Variants in ZBTB7C observed in about 807,000 individuals in gnomAD.
ZBTB7C encodes the protein zinc finger and BTB domain containing 7C, also known as zinc finger and BTB domain-containing protein 7C.
ZBTB7C carries 8 observed loss-of-function variants against 25.7 expected under a neutral mutation model. The observed-to-expected ratio is 0.31, with a 90% CI of 0.18 to 0.56. The LOEUF is 0.56. Ranked by LOEUF, ZBTB7C falls within the 20% of genes least tolerant of loss-of-function variation. The pLI is 0.91. For synonymous variants in ZBTB7C, 394 were observed against 369.0 expected, an observed-to-expected ratio of 1.07 and a Z score of -0.78; for missense variants, 824 against 855.2, an observed-to-expected ratio of 0.96 and a Z score of 0.46.
At chr18:48,285,888 A>T (rs2045033117) in intron 2 of ZBTB7C, among the ~76,000 whole-genome samples, 1 of 151,824 alleles carries the variant, frequency 6.6e-6, no homozygotes, top group Non-Finnish European at 1.5e-5. Context: ...CTTCCTTGTG[A>T]ATTCTCTGGG....
At chr18:48,347,124 GTTTTTTTTTT>G (rs1158209713) in intron 1 of ZBTB7C, among the ~76,000 whole-genome samples, 1 of 80,508 alleles carries the variant, frequency 1.2e-5, no homozygotes, top group Non-Finnish European at 2.3e-5. Context: ...GTTTTTGTTT[GTTTTTTTTTT>G]TTTTTTTTTT....
At chr18:48,393,660 C>G (rs1304335062) in intron 1 of ZBTB7C, among the ~76,000 whole-genome samples, 2 of 152,070 alleles carry the variant, frequency 1.3e-5, no homozygotes, top group African/African-American at 4.8e-5. Flanking sequence ...TGCACATCCA[C>G]ACACACACGC....
rs943409732 is a variant in ZBTB7C, at chr18:48,097,767, G to C, written c.-16-56644C>G. 4.6e-5 allele frequency among the ~76,000 whole-genome samples: 7 copies of C among 152,230 alleles called. No individual in the cohort carries two copies. In the East Asian group the frequency reaches 1.4e-3, roughly 29 times the overall value. Reference sequence around the variant, plus strand: ...CCGGCTCCAGTCTCTCACAAGGTCTGGCTGTAGCACATTTTCTGCTTTTAA... The same window carrying C: ...CCGGCTCCAGTCTCTCACAAGGTCTCGCTGTAGCACATTTTCTGCTTTTAA... On this transcript the variant is annotated intron_variant, in intron 3 of 4. Coordinates refer to ENST00000590800, the MANE Select transcript of ZBTB7C (RefSeq NM_001318841.2).
chr18:48,409,751 C>T (rs1345474601), upstream of ZBTB7C, among the ~76,000 whole-genome samples: 1 of 152,064 alleles, frequency 6.6e-6, no homozygotes, highest in African/African-American at 2.4e-5. Context: ...GTGGGGGGGC[C>T]GGGCACCGCC....
At chr18:48,042,833 G>A (rs62086088) in intron 3 of ZBTB7C, among the ~76,000 whole-genome samples, 6,877 of 152,290 alleles carry the variant, frequency 0.045, 192 homozygotes, top group Non-Finnish European at 0.07. Flanking sequence ...GCCAGGCTCT[G>A]TACTGTACTC....
intron 3 of ZBTB7C, among the ~76,000 whole-genome samples, chr18:48,048,195 C>T (rs1022452301): frequency 1.1e-4 from 16 of 147,420 alleles, no homozygotes; most frequent in Admixed American, 6.8e-4. Flanking sequence ...AGAAAGGTAC[C>T]GATCCCTGTG....
chr18:48,342,198 A>G (rs577914870), intron 1 of ZBTB7C, among the ~76,000 whole-genome samples: 2 of 152,320 alleles, frequency 1.3e-5, no homozygotes, highest in Admixed American at 1.3e-4. Context: ...GCTCATCTGC[A>G]TAAAGGGATT....
chr18:48,274,851 T>C (rs1214698332), intron 2 of ZBTB7C, among the ~76,000 whole-genome samples: 3 of 152,148 alleles, frequency 2.0e-5, no homozygotes, highest in Non-Finnish European at 4.4e-5. Flanking sequence ...GTCGGGGGTG[T>C]CTGCTAAGTC....
chr18:48,064,706 G>T (rs183365871), intron 3 of ZBTB7C, among the ~76,000 whole-genome samples: 118 of 152,270 alleles, frequency 7.7e-4, no homozygotes, highest in African/African-American at 2.6e-3. Flanking sequence ...TCACACCACT[G>T]CACTCTAGCC....
At chr18:48,347,238 TG>T (rs2046759109) in intron 1 of ZBTB7C, among the ~76,000 whole-genome samples, 1 of 131,478 alleles carries the variant, frequency 7.6e-6, no homozygotes, top group African/African-American at 2.9e-5. Context: ...CCCAAGTAGC[TG>T]GGACTACAGG....
intron 2 of ZBTB7C, among the ~76,000 whole-genome samples, chr18:48,281,382 T>G (rs1041719823): frequency 6.6e-6 from 1 of 152,096 alleles, no homozygotes; most frequent in African/African-American, 2.4e-5. Flanking sequence ...GGCATTACCA[T>G]TCAGGACATA....
chr18:48,085,148 G>A (rs1288805314), intron 3 of ZBTB7C, among the ~76,000 whole-genome samples: 2 of 152,096 alleles, frequency 1.3e-5, no homozygotes, highest in Non-Finnish European at 2.9e-5. Flanking sequence ...GGGCTTTACG[G>A]CAGGGCGGGT....
intron 1 of ZBTB7C, among the ~76,000 whole-genome samples, chr18:48,349,908 C>T (rs1420652719): frequency 2.0e-5 from 3 of 152,212 alleles, no homozygotes; most frequent in African/African-American, 2.4e-5. Flanking sequence ...GCACCTAGCA[C>T]AGTGCCTGGC....
intron 1 of ZBTB7C, among the ~76,000 whole-genome samples, chr18:48,380,305 G>A (rs1182161640): frequency 3.3e-5 from 5 of 152,228 alleles, no homozygotes; most frequent in South Asian, 2.1e-4. Flanking sequence ...ATTCTGAAAC[G>A]GCTACATGCG....
intron 2 of ZBTB7C, among the ~76,000 whole-genome samples, chr18:48,255,062 A>G (rs2043983597): frequency 6.6e-6 from 1 of 152,190 alleles, no homozygotes; most frequent in South Asian, 2.1e-4. Flanking sequence ...ACAGGGTCAA[A>G]CTTTTTCAAA....
In ZBTB7C at chr18:48,308,186, T is replaced by A. The variant is rs184319664; in HGVS notation, c.-79+29988A>T. Among the ~76,000 whole-genome samples the A allele has an allele frequency of 5.9e-5, 9 of 152,286 alleles. No homozygotes were observed. The East Asian group carries it at 1.7e-3, about 29-fold the overall frequency. On this transcript the variant is annotated intron_variant, in intron 2 of 4. Coordinates refer to ENST00000590800, the MANE Select transcript of ZBTB7C (RefSeq NM_001318841.2). ...ACCCACACACACACAAGATTAGGTATGTACAGACAAGGCTACTTTGGTTGA... is the reference window on the plus strand; with the variant it reads ...ACCCACACACACACAAGATTAGGTAAGTACAGACAAGGCTACTTTGGTTGA...
intron 1 of ZBTB7C, among the ~76,000 whole-genome samples, chr18:48,377,888 C>T (rs1598995025): frequency 6.6e-6 from 1 of 152,092 alleles, no homozygotes; most frequent in Non-Finnish European, 1.5e-5. Flanking sequence ...TAAGAAAGGT[C>T]GGGCCAGGCA....
intron 3 of ZBTB7C, among the ~76,000 whole-genome samples, chr18:48,099,624 T>C (rs1248964471): frequency 6.6e-6 from 1 of 152,182 alleles, no homozygotes; most frequent in African/African-American, 2.4e-5. Flanking sequence ...GGTACTTAAG[T>C]GTGACTCCTG....
intron 2 of ZBTB7C, among the ~76,000 whole-genome samples, chr18:48,335,421 T>C (rs1431267701): frequency 6.6e-6 from 1 of 152,188 alleles, no homozygotes; most frequent in Non-Finnish European, 1.5e-5. Flanking sequence ...AGGAACCGCC[T>C]GAAGGTCCTA....
Sources: gnomAD v4.1 joint callset for allele counts (sites outside exome capture counted in the v4.1 genomes callset) on GRCh38, gnomAD v4.1.1 for gene constraint, MANE v1.5 for transcripts, NCBI Gene and HGNC (gene_info 2026-07-23, HGNC 2026-07-21) for gene names.